The following DDX60L variants were observed in gnomAD, a reference collection of about 807,000 sequenced individuals.
DDX60L encodes probable ATP-dependent RNA helicase DDX60-like.
In DDX60L, 191 loss-of-function variants were observed where a neutral mutation model predicts 211.6. That is an observed-to-expected ratio of 0.90 (90% confidence interval 0.80 to 1.02). The LOEUF is 1.02. Ranked by LOEUF, DDX60L falls within the 50% of genes least tolerant of loss-of-function variation. The pLI, the probability that DDX60L is intolerant of heterozygous loss-of-function variation, is 0.00. For missense variants in DDX60L, 2,007 were observed against 1,984.1 expected (o/e 1.01, Z -0.22); for synonymous variants, 706 against 694.1 (o/e 1.02, Z -0.27).
At chr4:168,394,387 T>C (rs1745399924) in intron 28 of DDX60L, 78 bp downstream of exon 28, 2 of 1,200,162 alleles carry the variant, frequency 1.7e-6, no homozygotes, top group Admixed American at 2.9e-5. Context: ...CCAACTGGTA[T>C]AATTTTTTAC....
chr4:168,458,572 A>G (rs973806596), intron 5 of DDX60L, among the ~76,000 whole-genome samples: 1 of 152,268 alleles, frequency 6.6e-6, no homozygotes, highest in East Asian at 1.9e-4. Context: ...CAAACACCAC[A>G]TGTTCTCACT....
At chr4:168,368,973 A>T (rs138396111) in intron 36 of DDX60L, among the ~76,000 whole-genome samples, 1 of 152,320 alleles carries the variant, frequency 6.6e-6, no homozygotes, top group East Asian at 1.9e-4. Flanking sequence ...TCATAGATGG[A>T]ATGGACTTGC....
In DDX60L at chr4:168,361,171, C is replaced by T; in HGVS notation, c.4969G>A (p.Ala1657Thr). The T allele has an allele frequency of 6.2e-7, 1 of 1,608,442 alleles. No individual in the cohort carries two copies. The highest frequency in any genetic ancestry group is 8.5e-7 in the Non-Finnish European group (1 of 1,176,048). ...GQLLKCLKDF[A>T]FNIQAISDSL... ...TACCTGATAGCCTGAATGTTGAATG[C>T]AAAATCTTTCAAACACTTTAAAAGC... The change falls in exon 37 of 38, where the codon GCA (alanine) becomes ACA (threonine). Residue 1657 changes from alanine to threonine, a missense_variant. Ala to Thr is a moderately conservative substitution (Grantham distance 58). Coordinates refer to ENST00000682922, the MANE Select transcript of DDX60L (RefSeq NM_001012967.3).
intron 14 of DDX60L, 149 bp downstream of exon 14, chr4:168,426,921 A>G (rs1751544592): frequency 6.3e-6 from 6 of 955,280 alleles, no homozygotes; most frequent in Non-Finnish European, 9.1e-6. Flanking sequence ...TGCAAAATAT[A>G]ATAATAACTA....
At position 168,370,214 on chromosome 4, in the gene DDX60L, A is replaced by G. The variant is rs1740769112; in HGVS notation, c.4928+1398T>C. ...AACAGATAAAGAAAATGTGGTACAT[A>G]TACACAATTAGATACTATTCAGCCA... is the stretch of plus-strand genomic sequence containing the variant. On this transcript the variant is annotated intron_variant, in intron 36 of 37. Transcript: ENST00000682922. Among the ~76,000 whole-genome samples, 5 of 152,342 alleles carry G rather than the reference A, an allele frequency of 3.3e-5. 1 individual carries two copies. The South Asian group carries it at 1.0e-3, about 32-fold the overall frequency.
intron 10 of DDX60L, among the ~76,000 whole-genome samples, chr4:168,435,310 G>A (rs977822587): frequency 6.6e-6 from 1 of 152,206 alleles, no homozygotes; most frequent in Non-Finnish European, 1.5e-5. Flanking sequence ...CACTAGAACT[G>A]TCTATACTTA....
At chr4:168,370,853 A>AG (rs199662313) in intron 36 of DDX60L, among the ~76,000 whole-genome samples, 1,531 of 152,226 alleles carry the variant, frequency 0.01, 27 homozygotes, top group African/African-American at 0.034. Flanking sequence ...CCCCATTTCT[A>AG]CCTACTTGTT....
chr4:168,388,944 G>T (rs763723343), intron 29 of DDX60L, among the ~76,000 whole-genome samples: 36 of 152,206 alleles, frequency 2.4e-4, no homozygotes, highest in African/African-American at 7.0e-4. Flanking sequence ...AGCAATCCCA[G>T]GAGTATGCCA....
At chr4:168,423,065 C>T (rs1750914659) in intron 15 of DDX60L, among the ~76,000 whole-genome samples, 3 of 151,684 alleles carry the variant, frequency 2.0e-5, no homozygotes, top group African/African-American at 7.3e-5. Context: ...AAGTGATCTG[C>T]TCACCTTGAC....
chr4:168,426,729 T>G (rs1269631087), intron 14 of DDX60L, among the ~76,000 whole-genome samples: 1 of 152,206 alleles, frequency 6.6e-6, no homozygotes, highest in African/African-American at 2.4e-5. Flanking sequence ...TGCTGACAGC[T>G]TTCCTTCTCT....
intron 25 of DDX60L, among the ~76,000 whole-genome samples, chr4:168,402,943 G>T (rs1049690475): frequency 5.3e-5 from 8 of 152,188 alleles, no homozygotes; most frequent in Admixed American, 1.3e-4. Context: ...AAAAGTAAAT[G>T]CATGTAAGTG....
At chr4:168,421,510 C>G (rs139044050) in intron 17 of DDX60L, among the ~76,000 whole-genome samples, 14 of 152,086 alleles carry the variant, frequency 9.2e-5, no homozygotes, top group Non-Finnish European at 5.9e-5. Flanking sequence ...CAAAAATTAG[C>G]CCAGCATGGC....
At chr4:168,421,369 T>C (rs2014622) in intron 17 of DDX60L, among the ~76,000 whole-genome samples, 64,640 of 152,082 alleles carry the variant, frequency 0.43, 16,607 homozygotes, top group East Asian at 0.6. Context: ...ATATCAAAAA[T>C]AGTTTCTTGG....
At chr4:168,377,669 G>T (rs548867543) in intron 33 of DDX60L, 1 of 152,266 alleles carries the variant, frequency 6.6e-6, no homozygotes, top group South Asian at 2.1e-4. Context: ...GGGTGCTCAG[G>T]TCTGGAGGTA....
At chr4:168,448,177 C>T (rs1755115511) in intron 9 of DDX60L, among the ~76,000 whole-genome samples, 8 of 152,176 alleles carry the variant, frequency 5.3e-5, no homozygotes, top group South Asian at 4.1e-4. Flanking sequence ...CAATAATGTT[C>T]GTTCAGGAAA....
At chr4:168,429,293 C>T (rs1468439387) in intron 13 of DDX60L, among the ~76,000 whole-genome samples, 6 of 152,026 alleles carry the variant, frequency 3.9e-5, no homozygotes, top group Admixed American at 1.3e-4. Flanking sequence ...TACAGGCACC[C>T]GCCACCATTC....
intron 9 of DDX60L, among the ~76,000 whole-genome samples, chr4:168,446,245 CAG>C (rs1157990667): frequency 2.6e-5 from 4 of 152,062 alleles, no homozygotes; most frequent in Admixed American, 1.3e-4. Context: ...AACAGACAAA[CAG>C]AGAGCCAAAT....
intron 28 of DDX60L, 98 bp downstream of exon 28, chr4:168,394,367 G>T: frequency 1.1e-6 from 1 of 904,480 alleles, no homozygotes; most frequent in Non-Finnish European, 1.6e-6. Flanking sequence ...ACACTGGTTA[G>T]ATGAGAAAAC....
At position 168,379,861 on chromosome 4, in the gene DDX60L, G is replaced by A. The variant is rs200646498; in HGVS notation, c.4117-31C>T. 4 of 1,474,778 alleles carry A rather than the reference G, an allele frequency of 2.7e-6. No individual in the cohort carries two copies. The African/African-American group carries it at 4.2e-5, about 15-fold the overall frequency. 91.4% of individuals were successfully genotyped at this position (1,474,778 alleles called of 1,614,324 possible). A position where few individuals can be genotyped will look rare whatever the true frequency, so the allele number is the denominator to read the frequency against. On this transcript the variant is annotated intron_variant, in intron 30 of 37. Transcript: ENST00000682922. ...AAAGAAGAGTACTTTAATTTATCTAGTTTTAAACAGTATTTGTAAATACTG... is the reference window on the plus strand; with the variant it reads ...AAAGAAGAGTACTTTAATTTATCTAATTTTAAACAGTATTTGTAAATACTG...
Sources: allele counts gnomAD v4.1 joint callset (sites outside exome capture counted in the v4.1 genomes callset), GRCh38; gene constraint gnomAD v4.1.1; transcripts MANE v1.5; gene names NCBI Gene and HGNC (gene_info 2026-07-23, HGNC 2026-07-21).